AGPS: variants seen among roughly 807,000 people sequenced by gnomAD.
The protein encoded by AGPS is alkyldihydroxyacetonephosphate synthase, peroxisomal.
AGPS carries 26 observed loss-of-function variants against 90.7 expected under a neutral mutation model. The ratio of observed to expected loss-of-function variants is 0.29; its 90% CI spans 0.21 to 0.40. The LOEUF (loss-of-function observed/expected upper bound fraction) is 0.40, where lower values mean the gene tolerates loss of function less well. Ranked by LOEUF, AGPS falls within the 10% of genes least tolerant of loss-of-function variation. AGPS has a pLI of 1.00. For synonymous variants in AGPS, 294 were observed against 285.3 expected (o/e 1.03, Z -0.31); for missense variants, 540 against 816.1 (o/e 0.66, Z 4.12).
chr2:177,434,282 A>T, intron 2 of AGPS, 45 bp from the exon 3 acceptor site: 2 of 1,391,084 alleles, frequency 1.4e-6, no homozygotes, highest in Non-Finnish European at 2.0e-6. Context: ...TTAAATTTAA[A>T]TGAAGATACT....
intron 6 of AGPS, chr2:177,441,248 C>G (rs1225409326): frequency 1.9e-6 from 1 of 515,212 alleles, no homozygotes; most frequent in South Asian, 2.7e-5. Context: ...TGGCTTTTTC[C>G]TCTATGGGCC....
chr2:177,434,522 C>A, intron 3 of AGPS, 105 bp downstream of exon 3: 1 of 890,366 alleles, frequency 1.1e-6, no homozygotes, highest in South Asian at 1.5e-5. Flanking sequence ...CTGCAACTGT[C>A]ATGTTTTTTG....
chr2:177,523,944 G>A (rs1323309640), intron 19 of AGPS, 139 bp downstream of exon 19: 1 of 761,872 alleles, frequency 1.3e-6, no homozygotes, highest in Admixed American at 2.1e-5. Context: ...CTTTGAAATA[G>A]CTGTTACTGA....
chr2:177,508,420 T>C (rs565521307), intron 16 of AGPS, among the ~76,000 whole-genome samples: 1 of 152,324 alleles, frequency 6.6e-6, no homozygotes, highest in East Asian at 1.9e-4. Context: ...CTTTATAATA[T>C]TATTTAGTTT....
At chr2:177,488,580 G>A (rs1156934484) in intron 11 of AGPS, among the ~76,000 whole-genome samples, 1 of 152,112 alleles carries the variant, frequency 6.6e-6, no homozygotes, top group Non-Finnish European at 1.5e-5. Context: ...TGGATAGTAT[G>A]CAGTTATATG....
rs1181801479 is a variant in AGPS at position 177,461,917 on chromosome 2, G to A, written c.895G>A (p.Gly299Ser). Reference protein sequence around the residue: ...RQLKESGYCTGHEPDSLEFST... With the variant: ...RQLKESGYCTSHEPDSLEFST... Reference sequence around the variant, plus strand: ...GCTTAAAGAAAGTGGTTATTGTACAGGTCATGAACCAGATTCCCTGGAGTT... The same window carrying A: ...GCTTAAAGAAAGTGGTTATTGTACAAGTCATGAACCAGATTCCCTGGAGTT... The change falls in exon 9 of 20, where the codon GGT (glycine) becomes AGT (serine). Residue 299 changes from glycine to serine, a missense_variant. Coordinates refer to ENST00000264167, the MANE Select transcript of AGPS (RefSeq NM_003659.4). 6.2e-7 allele frequency: 1 copy of A among 1,612,352 alleles called. No individual in the cohort carries two copies. Among genetic ancestry groups the A allele is most frequent in the Admixed American group, 1.7e-5 (1 of 59,966 alleles).
Position 177,513,833 on chromosome 2 carries a change from G to T in AGPS, c.1622G>T (p.Cys541Phe). ...TCTTTTTTTAGGGTGGTAGATCTCT[G>T]TAGAAATGTAAAAGAAAGAATAACA... ...SAPWDRVVDL[C>F]RNVKERITRE... Residue 541 changes from cysteine to phenylalanine, a missense_variant, in exon 17 of 20, where the codon TGT becomes TTT. Coordinates refer to ENST00000264167, the MANE Select transcript of AGPS (RefSeq NM_003659.4). 1 of 1,612,138 alleles carries T rather than the reference G, an allele frequency of 6.2e-7. No individual in the cohort carries two copies. Among genetic ancestry groups the T allele is most frequent in the Non-Finnish European group, 8.5e-7 (1 of 1,178,600 alleles).
intron 2 of AGPS, among the ~76,000 whole-genome samples, chr2:177,427,867 A>C (rs1013866707): frequency 2.6e-5 from 4 of 152,102 alleles, no homozygotes; most frequent in African/African-American, 9.7e-5. Flanking sequence ...AGCTGAGTTC[A>C]GGTTTTGAAT....
At chr2:177,510,533 T>G (rs1187485632) in intron 16 of AGPS, among the ~76,000 whole-genome samples, 1 of 152,224 alleles carries the variant, frequency 6.6e-6, no homozygotes, top group East Asian at 1.9e-4. Flanking sequence ...TACTGATGAT[T>G]GACATCTTGT....
At chr2:177,445,120 T>A (rs7587604) in intron 7 of AGPS, among the ~76,000 whole-genome samples, 93,709 of 152,116 alleles carry the variant, frequency 0.62, 31,259 homozygotes, top group Admixed American at 0.73. Context: ...GTTAACACAG[T>A]GCAGATAGTA....
At chr2:177,468,942 G>T (rs1471915737) in intron 10 of AGPS, among the ~76,000 whole-genome samples, 7 of 151,984 alleles carry the variant, frequency 4.6e-5, no homozygotes. Flanking sequence ...ATTACTATTA[G>T]AAGTGGAATT....
chr2:177,538,342 G>A lies in AGPS; in HGVS notation c.*147G>A, dbSNP rs2079202248. ...TAAGTTTGTTTTCATTCTGTAGTTTGTTTTGTTTCTACATCTATGGATTGA... is the reference window on the plus strand; with the variant it reads ...TAAGTTTGTTTTCATTCTGTAGTTTATTTTGTTTCTACATCTATGGATTGA... On this transcript the variant is annotated 3_prime_UTR_variant, in exon 20 of 20. Coordinates refer to ENST00000264167, the MANE Select transcript of AGPS (RefSeq NM_003659.4). 1 of 876,602 alleles carries A rather than the reference G, an allele frequency of 1.1e-6. No individual in the cohort carries two copies. Among genetic ancestry groups the A allele is most frequent in the South Asian group, 1.7e-5 (1 of 58,112 alleles). The allele number at this position is 876,602 out of a possible 1,614,324, so 54.3% of individuals were successfully genotyped here.
intron 5 of AGPS, among the ~76,000 whole-genome samples, chr2:177,439,695 A>G (rs1686539015): frequency 6.6e-6 from 1 of 152,180 alleles, no homozygotes; most frequent in African/African-American, 2.4e-5. Flanking sequence ...TGCTTTCCTC[A>G]GCATTCTTAT....
intron 1 of AGPS, among the ~76,000 whole-genome samples, chr2:177,407,059 G>T (rs1402730477): frequency 2.0e-5 from 3 of 152,196 alleles, no homozygotes; most frequent in Non-Finnish European, 4.4e-5. Flanking sequence ...GAGCCAGACA[G>T]TCATGGTTTA....
At chr2:177,393,082 G>A in intron 1 of AGPS, 33 bp downstream of exon 1, 1 of 1,550,298 alleles carries the variant, frequency 6.5e-7, no homozygotes, top group Non-Finnish European at 8.7e-7. Flanking sequence ...AGTTAGCGTC[G>A]AGGGACCAGG....
intron 1 of AGPS, among the ~76,000 whole-genome samples, chr2:177,406,742 A>G (rs1299844852): frequency 1.3e-5 from 2 of 152,360 alleles, no homozygotes; most frequent in East Asian, 3.9e-4. Flanking sequence ...TCTATTGATT[A>G]TTGAAGTAAT....
At chr2:177,416,292 C>T (rs1006552477) in intron 1 of AGPS, among the ~76,000 whole-genome samples, 1 of 152,032 alleles carries the variant, frequency 6.6e-6, no homozygotes, top group Non-Finnish European at 1.5e-5. Flanking sequence ...ATAATAACAG[C>T]CCTGAAAAAT....
At chr2:177,500,690 A>G (rs1343136211) in intron 14 of AGPS, among the ~76,000 whole-genome samples, 1 of 152,100 alleles carries the variant, frequency 6.6e-6, no homozygotes, top group African/African-American at 2.4e-5. Flanking sequence ...ATTTTTAAGT[A>G]TTGAAAATGT....
At chr2:177,401,339 G>A (rs1346648731) in intron 1 of AGPS, among the ~76,000 whole-genome samples, 4 of 151,850 alleles carry the variant, frequency 2.6e-5, no homozygotes, top group South Asian at 2.1e-4. Flanking sequence ...TTTTAAGATC[G>A]AACTTTCTTT....
Sources: gnomAD v4.1 joint callset for allele counts (sites outside exome capture counted in the v4.1 genomes callset) on GRCh38, gnomAD v4.1.1 for gene constraint, MANE v1.5 for transcripts, NCBI Gene and HGNC (gene_info 2026-07-23, HGNC 2026-07-21) for gene names.